Variants in HTR1F observed in about 807,000 individuals in gnomAD.
The protein encoded by HTR1F is 5-hydroxytryptamine (serotonin) receptor 1F, G protein-coupled.
A neutral mutation model predicts 24.0 loss-of-function variants in HTR1F; 17 were observed. The ratio of observed to expected loss-of-function variants is 0.71; its 90% CI spans 0.48 to 1.06. The LOEUF is 1.06. Among genes scored for constraint, HTR1F ranks in the 50% least tolerant of loss-of-function variants. The probability of loss-of-function intolerance (pLI) is 0.00; values close to 1 mark genes in which losing one functional copy is unlikely to be tolerated. For synonymous variants in HTR1F, 186 were observed against 156.8 expected (o/e 1.19, Z -1.39); for missense variants, 391 against 427.8 (o/e 0.91, Z 0.76).
intron 2 of HTR1F, among the ~76,000 whole-genome samples, chr3:87,854,255 C>A (rs1021712830): frequency 5.9e-5 from 9 of 151,790 alleles, no homozygotes; most frequent in African/African-American, 1.9e-4. Context: ...GGACTCCTTT[C>A]TCTTTTTTTA....
intron 2 of HTR1F, among the ~76,000 whole-genome samples, chr3:87,838,890 T>C (rs1158431538): frequency 6.6e-6 from 1 of 151,402 alleles, no homozygotes; most frequent in Non-Finnish European, 1.5e-5. Flanking sequence ...TGTTGAGTAG[T>C]TTGAGTTTCT....
chr3:87,830,363 A>G (rs990019704), intron 2 of HTR1F, among the ~76,000 whole-genome samples: 5 of 152,200 alleles, frequency 3.3e-5, no homozygotes, highest in African/African-American at 1.2e-4. Context: ...AAAAATACTC[A>G]TGTGTGTGGA....
intron 2 of HTR1F, among the ~76,000 whole-genome samples, chr3:87,914,165 CA>C (rs1473227106): frequency 6.6e-6 from 1 of 152,080 alleles, no homozygotes; most frequent in Non-Finnish European, 1.5e-5. Context: ...CAGCATAATA[CA>C]GGGGTAGAGG....
intron 2 of HTR1F, among the ~76,000 whole-genome samples, chr3:87,983,871 C>T (rs143334248): frequency 6.6e-6 from 1 of 152,308 alleles, no homozygotes; most frequent in African/African-American, 2.4e-5. Flanking sequence ...TTTGCTTACG[C>T]CTTTTCCCTG....
intron 2 of HTR1F, among the ~76,000 whole-genome samples, chr3:87,928,503 T>C (rs1704182674): frequency 6.6e-6 from 1 of 152,186 alleles, no homozygotes; most frequent in Non-Finnish European, 1.5e-5. Context: ...TATATATTAT[T>C]TTCTGTGTCC....
At chr3:87,939,494 A>G (rs1704508280) in intron 2 of HTR1F, among the ~76,000 whole-genome samples, 1 of 152,140 alleles carries the variant, frequency 6.6e-6, no homozygotes, top group Admixed American at 6.6e-5. Flanking sequence ...CTGTAAATCC[A>G]TCTGGTCCTG....
chr3:87,910,966 T>G (rs1703765645), intron 2 of HTR1F, among the ~76,000 whole-genome samples: 2 of 151,956 alleles, frequency 1.3e-5, no homozygotes, highest in Non-Finnish European at 2.9e-5. Context: ...AGGACACAGC[T>G]AAGGCAATAT....
rs576165441 is a variant in HTR1F, at chr3:87,800,203, A to G, written c.-160+7361A>G. ...GCTTAAAATCCTTTAGTGGCTCCTC[A>G]TGTCATTCTGGGAACAAGCCAAGCC... On this transcript the variant is annotated intron_variant, in intron 1 of 2. Transcript: ENST00000319595. 9.7e-4 allele frequency among the ~76,000 whole-genome samples: 147 copies of G among 152,130 alleles called. 1 individual carries two copies. The Middle Eastern group carries it at 0.014, about 14-fold the overall frequency.
intron 1 of HTR1F, among the ~76,000 whole-genome samples, chr3:87,819,570 T>C (rs1424934098): frequency 6.6e-6 from 1 of 152,068 alleles, no homozygotes; most frequent in African/African-American, 2.4e-5. Flanking sequence ...TGCTATGCCT[T>C]TTTTAAAAAT....
chr3:87,802,331 C>G (rs1350686994), intron 1 of HTR1F, among the ~76,000 whole-genome samples: 1 of 128,448 alleles, frequency 7.8e-6, no homozygotes, highest in Non-Finnish European at 1.6e-5. Context: ...TTCCTTCTTT[C>G]CCTCTTTCTC....
chr3:87,862,732 A>T (rs1192555796), intron 2 of HTR1F, among the ~76,000 whole-genome samples: 1 of 152,154 alleles, frequency 6.6e-6, no homozygotes, highest in Non-Finnish European at 1.5e-5. Flanking sequence ...TCTTCTATAT[A>T]TAATGGATCA....
intron 2 of HTR1F, among the ~76,000 whole-genome samples, chr3:87,869,914 A>G (rs1020966145): frequency 1.6e-4 from 25 of 152,112 alleles, no homozygotes; most frequent in African/African-American, 5.6e-4. Context: ...GTTGCGAATG[A>G]AAATTTCACA....
intron 2 of HTR1F, among the ~76,000 whole-genome samples, chr3:87,869,956 C>A (rs1259548725): frequency 4.6e-5 from 7 of 151,980 alleles, no homozygotes; most frequent in Non-Finnish European, 7.4e-5. Context: ...AAATAAGATA[C>A]AATTCTCAGT....
intron 2 of HTR1F, among the ~76,000 whole-genome samples, chr3:87,831,551 A>G (rs1453565485): frequency 6.6e-6 from 1 of 151,472 alleles, no homozygotes; most frequent in Non-Finnish European, 1.5e-5. Flanking sequence ...TTTAGTAGAG[A>G]CGGGGTTTCA....
At chr3:87,930,916 A>G (rs1704248117) in intron 2 of HTR1F, among the ~76,000 whole-genome samples, 3 of 152,002 alleles carry the variant, frequency 2.0e-5, no homozygotes. Flanking sequence ...ACACTTTTAC[A>G]CATCTCAGTT....
chr3:87,795,656 G>A lies in HTR1F; in HGVS notation c.-160+2814G>A, dbSNP rs573997038. Among the ~76,000 whole-genome samples, 5 of 152,270 alleles carry A rather than the reference G, an allele frequency of 3.3e-5. No individual in the cohort carries two copies. In the South Asian group the frequency reaches 8.3e-4, roughly 25 times the overall value. ...GATCCAACCTAGAACCACAGTTCCC[G>A]TGCCCTGTAAGTGGAAACCTTACTT... On this transcript the variant is annotated intron_variant, in intron 1 of 2. Coordinates refer to ENST00000319595, the MANE Select transcript of HTR1F (RefSeq NM_001322209.2).
At chr3:87,823,619 A>G (rs1227420766) in intron 2 of HTR1F, among the ~76,000 whole-genome samples, 3 of 150,380 alleles carry the variant, frequency 2.0e-5, no homozygotes, top group Non-Finnish European at 4.4e-5. Flanking sequence ...GGATCAAGTG[A>G]TCCTCCCACC....
intron 2 of HTR1F, among the ~76,000 whole-genome samples, chr3:87,911,660 A>T (rs1172623412): frequency 6.6e-6 from 1 of 152,152 alleles, no homozygotes; most frequent in Non-Finnish European, 1.5e-5. Context: ...TGATGCAAAA[A>T]TCCTCAATAA....
intron 2 of HTR1F, among the ~76,000 whole-genome samples, chr3:87,975,536 T>G (rs1705375413): frequency 6.6e-6 from 1 of 152,184 alleles, no homozygotes; most frequent in Non-Finnish European, 1.5e-5. Flanking sequence ...CTTCAGTGTG[T>G]ATCTTTGCAT....
Sources: allele counts gnomAD v4.1 joint callset (sites outside exome capture counted in the v4.1 genomes callset), GRCh38; gene constraint gnomAD v4.1.1; transcripts MANE v1.5; gene names NCBI Gene and HGNC (gene_info 2026-07-23, HGNC 2026-07-21).